The following SGCZ variants were observed in gnomAD, a reference collection of about 807,000 sequenced individuals.
SGCZ encodes zeta-sarcoglycan.
A neutral mutation model predicts 41.3 loss-of-function variants in SGCZ; 40 were observed. That is an observed-to-expected ratio of 0.97 (90% confidence interval 0.75 to 1.26). The LOEUF is 1.26. Among genes scored for constraint, SGCZ ranks in the 50% most tolerant of loss-of-function variants. The probability of loss-of-function intolerance (pLI) is 0.00; values close to 1 mark genes in which losing one functional copy is unlikely to be tolerated. For synonymous variants in SGCZ, 206 were observed against 137.5 expected (o/e 1.50, Z -3.49); for missense variants, 552 against 369.8 (o/e 1.49, Z -4.04).
chr8:15,066,712 T>C (rs924863006), intron 1 of SGCZ, among the ~76,000 whole-genome samples: 8 of 152,216 alleles, frequency 5.3e-5, no homozygotes, highest in African/African-American at 1.9e-4. Context: ...CTTTTGAGAA[T>C]GTGCATCACT....
intron 1 of SGCZ, among the ~76,000 whole-genome samples, chr8:14,873,012 G>A (rs978244082): frequency 2.0e-5 from 3 of 152,170 alleles, no homozygotes; most frequent in African/African-American, 4.8e-5. Flanking sequence ...TTCATGATGT[G>A]TGGTTCCAGA....
At chr8:14,232,653 C>A (rs2117153635) in intron 4 of SGCZ, among the ~76,000 whole-genome samples, 1 of 151,812 alleles carries the variant, frequency 6.6e-6, no homozygotes, top group African/African-American at 2.4e-5. Context: ...GCACAATGTG[C>A]AGGTTAGTTA....
At chr8:14,401,730 T>C (rs993621944) in intron 2 of SGCZ, among the ~76,000 whole-genome samples, 2 of 151,804 alleles carry the variant, frequency 1.3e-5, no homozygotes, top group Admixed American at 6.6e-5. Context: ...CTAATGTGAA[T>C]AATGCCGCAA....
At chr8:14,937,439 T>G (rs1800120171) in intron 1 of SGCZ, among the ~76,000 whole-genome samples, 1 of 151,994 alleles carries the variant, frequency 6.6e-6, no homozygotes, top group Non-Finnish European at 1.5e-5. Flanking sequence ...TAGCAAACAT[T>G]CAAGCCTCAA....
intron 1 of SGCZ, among the ~76,000 whole-genome samples, chr8:14,718,970 AT>A (rs1333127017): frequency 6.7e-6 from 1 of 148,768 alleles, no homozygotes; most frequent in African/African-American, 2.5e-5. Flanking sequence ...GTCATTTAGC[AT>A]TAGGTATATC....
In SGCZ at chr8:14,309,692, A is replaced by G; in HGVS notation, c.336+14411T>C. On this transcript the variant is annotated intron_variant, in intron 3 of 7. Coordinates refer to ENST00000382080, the MANE Select transcript of SGCZ (RefSeq NM_139167.4). ...TTGTTTAAGAAGACACCTTCTGAGTATTCTCACAGGAGACTGAGTTAAGCA... is the reference window on the plus strand; with the variant it reads ...TTGTTTAAGAAGACACCTTCTGAGTGTTCTCACAGGAGACTGAGTTAAGCA... 5.6e-6 allele frequency: 9 copies of G among 1,609,876 alleles called. No individual in the cohort carries two copies. In the South Asian group the frequency reaches 6.6e-5, roughly 12 times the overall value.
At chr8:14,865,633 C>T (rs539964659) in intron 1 of SGCZ, among the ~76,000 whole-genome samples, 2 of 151,702 alleles carry the variant, frequency 1.3e-5, no homozygotes, top group South Asian at 2.1e-4. Context: ...ATGGGATGTG[C>T]GCTCACTTCA....
At chr8:14,314,308 G>C (rs141403425) in intron 3 of SGCZ, among the ~76,000 whole-genome samples, 5 of 151,806 alleles carry the variant, frequency 3.3e-5, no homozygotes, top group African/African-American at 1.2e-4. Context: ...CACTCTTAAC[G>C]TAGTCCAAAG....
chr8:14,202,896 T>G (rs1182516245), intron 4 of SGCZ, among the ~76,000 whole-genome samples: 1 of 152,164 alleles, frequency 6.6e-6, no homozygotes, highest in Non-Finnish European at 1.5e-5. Flanking sequence ...CTCCGACAAT[T>G]CCCACATCTT....
intron 2 of SGCZ, among the ~76,000 whole-genome samples, chr8:14,422,606 T>C (rs1291976988): frequency 6.6e-6 from 1 of 152,200 alleles, no homozygotes; most frequent in Non-Finnish European, 1.5e-5. Context: ...CAATGCCTTG[T>C]ATAAAAAAGA....
chr8:14,244,169 TC>T (rs1798994472), intron 3 of SGCZ, among the ~76,000 whole-genome samples: 1 of 150,490 alleles, frequency 6.6e-6, no homozygotes, highest in Non-Finnish European at 1.5e-5. Context: ...TCCTTCTTCC[TC>T]CTCCTCTTCC....
At chr8:14,456,865 G>A (rs1800760362) in intron 2 of SGCZ, among the ~76,000 whole-genome samples, 1 of 152,176 alleles carries the variant, frequency 6.6e-6, no homozygotes, top group East Asian at 1.9e-4. Context: ...AAGATCTGGT[G>A]GTTTAAAAGT....
At chr8:14,219,740 C>T (rs1806126477) in intron 4 of SGCZ, among the ~76,000 whole-genome samples, 1 of 100,940 alleles carries the variant, frequency 9.9e-6, no homozygotes, top group Non-Finnish European at 1.9e-5. Context: ...AGTGAGACTT[C>T]GTCTCAAAAA....
rs1031005045 is a variant in SGCZ at position 15,152,553 on chromosome 8, C to T, written c.39+85032G>A. Among the ~76,000 whole-genome samples, 13 of 152,244 alleles carry T rather than the reference C, an allele frequency of 8.5e-5. No individual in the cohort carries two copies. The South Asian group carries it at 1.5e-3, about 17-fold the overall frequency. ...GGTGGAGGCAACTTATTGTGAAACA[C>T]GACAGAAGAGCAATGAAAAGCCATT... is the stretch of plus-strand genomic sequence containing the variant. On this transcript the variant is annotated intron_variant, in intron 1 of 7. Coordinates refer to ENST00000382080, the MANE Select transcript of SGCZ (RefSeq NM_139167.4).
At chr8:14,773,119 T>C (rs918527707) in intron 1 of SGCZ, among the ~76,000 whole-genome samples, 1 of 152,168 alleles carries the variant, frequency 6.6e-6, no homozygotes, top group Admixed American at 6.5e-5. Context: ...TGATCACCAT[T>C]CTAACTGGTG....
chr8:14,279,491 T>G (rs1170349461), intron 3 of SGCZ, among the ~76,000 whole-genome samples: 1 of 151,966 alleles, frequency 6.6e-6, no homozygotes, highest in Non-Finnish European at 1.5e-5. Flanking sequence ...CAGCATTCAG[T>G]GGCGGGAATT....
chr8:14,937,118 C>T (rs1018475788), intron 1 of SGCZ, among the ~76,000 whole-genome samples: 1 of 151,570 alleles, frequency 6.6e-6, no homozygotes, highest in Non-Finnish European at 1.5e-5. Flanking sequence ...TATCTAAATA[C>T]ACTAATAAAC....
At chr8:14,105,911 T>C (rs57716995) in intron 6 of SGCZ, among the ~76,000 whole-genome samples, 19,328 of 152,132 alleles carry the variant, frequency 0.13, 1,426 homozygotes, top group African/African-American at 0.21. Context: ...TAAAAAAAAG[T>C]TCTTTAAGTA....
intron 1 of SGCZ, among the ~76,000 whole-genome samples, chr8:14,926,610 T>TTCG (rs1554523008): frequency 6.6e-6 from 1 of 151,822 alleles, no homozygotes; most frequent in Non-Finnish European, 1.5e-5. Context: ...GTAGACAGTT[T>TTCG]TTTGTTTGTT....
Sources: gnomAD v4.1 joint callset for allele counts (sites outside exome capture counted in the v4.1 genomes callset) on GRCh38, gnomAD v4.1.1 for gene constraint, MANE v1.5 for transcripts, NCBI Gene and HGNC (gene_info 2026-07-23, HGNC 2026-07-21) for gene names.